Variants in SYNE2 observed in about 807,000 individuals in gnomAD.
The protein encoded by SYNE2 is nesprin-2.
In SYNE2, 431 loss-of-function variants were observed where a neutral mutation model predicts 856.3. The ratio of observed to expected loss-of-function variants is 0.50; its 90% confidence interval spans 0.47 to 0.55. SYNE2 has a LOEUF of 0.55. SYNE2 is among the 20% of genes least tolerant of loss of function. The pLI is 0.00. For missense variants in SYNE2, 8,129 were observed against 8,023.2 expected, an observed-to-expected ratio of 1.01 and a Z score of -0.50; for synonymous variants, 2,923 against 2,872.3, an observed-to-expected ratio of 1.02 and a Z score of -0.56.
At chr14:63,858,982 G>T (rs994129368) in intron 1 of SYNE2, among the ~76,000 whole-genome samples, 1 of 152,080 alleles carries the variant, frequency 6.6e-6, no homozygotes, top group East Asian at 1.9e-4. Flanking sequence ...TTAGGTTCAT[G>T]TACTTTAATT....
chr14:64,125,168 A>G lies in SYNE2; in HGVS notation c.13512A>G (p.Gln4504=). The G allele has an allele frequency of 6.2e-7, 1 of 1,614,212 alleles. No homozygotes were observed. The highest frequency in any genetic ancestry group is 1.3e-5 in the African/African-American group (1 of 75,056). ...TTEELKTYTT[Q]LEDLRQEASN... is the part of the protein sequence containing the mutation. ...AAGAACTGAAAACCTATACCACCCA[A>G]CTTGAAGACCTGCGCCAAGAAGCAA... The change falls in exon 71 of 116, where the codon CAA becomes CAG. Residue 4504 remains glutamine (Q), a synonymous_variant. Transcript: ENST00000555002.
At chr14:64,111,130 C>T (rs2097802831) in intron 65 of SYNE2, among the ~76,000 whole-genome samples, 1 of 149,142 alleles carries the variant, frequency 6.7e-6, no homozygotes, top group Non-Finnish European at 1.5e-5. Context: ...CTTTGAGAGG[C>T]CGAGGCAGGA....
Position 63,983,846 on chromosome 14 carries a change from T to C in SYNE2, c.2111T>C (p.Met704Thr), listed in dbSNP as rs530231584. 11 of 1,590,246 alleles carry C rather than the reference T, an allele frequency of 6.9e-6. No homozygotes were observed. The South Asian group carries it at 1.0e-4, about 15-fold the overall frequency. ...EKATVEFSTD[M>T]SVELPENYNQ... ...GCAACTGTTGAGTTTTCAACAGATA[T>C]GTCAGTAGAACTTCCTGAAAATTAT... The change falls in exon 18 of 116, where the codon ATG becomes ACG. Residue 704 changes from methionine to threonine, a missense_variant. Met to Thr is a moderately conservative substitution (Grantham distance 81). Transcript: ENST00000555002.
At chr14:63,964,767 AC>A (rs1421060197) in intron 10 of SYNE2, among the ~76,000 whole-genome samples, 1 of 151,682 alleles carries the variant, frequency 6.6e-6, no homozygotes. Flanking sequence ...CAGGTGATTC[AC>A]CTGCCTCGGC....
rs924170583 is a variant in SYNE2, at chr14:64,183,582, T to C, written c.17557-2842T>C. Among the ~76,000 whole-genome samples the C allele has an allele frequency of 8.5e-5, 13 of 152,086 alleles. No homozygotes were observed. In the East Asian group the frequency reaches 2.3e-3, roughly 27 times the overall value. The stretch of plus-strand genomic sequence containing the variant: ...AGGCAGGCGGCTGGGAGGTGGAGGT[T>C]GTAGCGAGCCGAGATCACGCCACTG... On this transcript the variant is annotated intron_variant, in intron 96 of 115. Coordinates refer to ENST00000555002, the MANE Select transcript of SYNE2 (RefSeq NM_182914.3).
chr14:63,967,742 GA>G lies in SYNE2; in HGVS notation c.1031del (p.Lys344SerfsTer9). On this transcript the variant is annotated frameshift_variant, in exon 11 of 116. Transcript: ENST00000555002. LOFTEE classifies it high-confidence loss of function. ...LLSFMESFNE[E>X]KKSFLDVLSI... is the part of the protein sequence containing the mutation. ...GTCCTTTATGGAGTCATTCAATGAA[GA>G]AAAAAAGTCCTTTTTGGATGTCCTG... 6.2e-7 allele frequency: 1 copy of G among 1,614,012 alleles called. No homozygotes were observed. Among genetic ancestry groups the G allele is most frequent in the Non-Finnish European group, 8.5e-7 (1 of 1,179,922 alleles).
intron 64 of SYNE2, among the ~76,000 whole-genome samples, chr14:64,102,759 G>A (rs1162963516): frequency 6.6e-6 from 1 of 151,894 alleles, no homozygotes; most frequent in Non-Finnish European, 1.5e-5. Flanking sequence ...TATTCCTGCT[G>A]TTCAACTGAA....
intron 70 of SYNE2, among the ~76,000 whole-genome samples, chr14:64,123,847 T>C (rs1302782466): frequency 1.3e-5 from 2 of 151,476 alleles, no homozygotes; most frequent in African/African-American, 4.9e-5. Flanking sequence ...TTGTTATTAC[T>C]AAACTGAAAG....
At chr14:64,059,688 G>C (rs1041594265) in intron 49 of SYNE2, among the ~76,000 whole-genome samples, 2 of 152,262 alleles carry the variant, frequency 1.3e-5, no homozygotes, top group African/African-American at 4.8e-5. Context: ...TATTGCCTAC[G>C]TTTGCTCAAG....
intron 1 of SYNE2, among the ~76,000 whole-genome samples, chr14:63,904,441 A>G (rs1167590215): frequency 1.1e-4 from 16 of 152,056 alleles, no homozygotes. Flanking sequence ...TCCCACTGAC[A>G]GTTTATAAGC....
intron 1 of SYNE2, among the ~76,000 whole-genome samples, chr14:63,845,697 T>C (rs1304172954): frequency 6.6e-6 from 1 of 151,682 alleles, no homozygotes; most frequent in African/African-American, 2.4e-5. Context: ...TAAGGGGTAA[T>C]CTGCTTTTCT....
intron 1 of SYNE2, among the ~76,000 whole-genome samples, chr14:63,890,930 A>G (rs946111182): frequency 9.9e-5 from 15 of 152,152 alleles, no homozygotes; most frequent in African/African-American, 3.4e-4. Context: ...CCGCTTATTC[A>G]TCTTTGCACC....
At chr14:63,779,687 G>A (rs964400616) in intron 1 of SYNE2, among the ~76,000 whole-genome samples, 6 of 151,858 alleles carry the variant, frequency 4.0e-5, no homozygotes, top group East Asian at 1.9e-4. Flanking sequence ...TAAGGTGAGC[G>A]GATTACTTGA....
chr14:64,057,552 C>G (rs555659374), intron 49 of SYNE2, among the ~76,000 whole-genome samples: 2 of 152,268 alleles, frequency 1.3e-5, no homozygotes, highest in South Asian at 4.1e-4. Context: ...GCTTCCAAAT[C>G]TTGACTATTG....
At chr14:63,788,984 A>G (rs1047282428) in intron 1 of SYNE2, among the ~76,000 whole-genome samples, 3 of 152,208 alleles carry the variant, frequency 2.0e-5, no homozygotes, top group Non-Finnish European at 4.4e-5. Context: ...AGATAAATAG[A>G]TAAAGAAAAT....
chr14:63,892,729 C>CTTTTTT (rs11293385), intron 1 of SYNE2, among the ~76,000 whole-genome samples: 7 of 130,248 alleles, frequency 5.4e-5, no homozygotes, highest in Non-Finnish European at 8.2e-5. Context: ...GGTGTACTTT[C>CTTTTTT]TTTTTTTTTT....
chr14:64,005,104 A>T (rs922618086), intron 30 of SYNE2, among the ~76,000 whole-genome samples: 12 of 152,182 alleles, frequency 7.9e-5, no homozygotes, highest in African/African-American at 2.4e-4. Context: ...TGCAGCAGTG[A>T]GGGGGAGATG....
chr14:63,994,733 C>T lies in SYNE2; in HGVS notation c.2782-311C>T, dbSNP rs572687331. Among the ~76,000 whole-genome samples the T allele has an allele frequency of 3.2e-4, 49 of 152,292 alleles. No homozygotes were observed. In the South Asian group the frequency reaches 9.3e-3, roughly 29 times the overall value. On this transcript the variant is annotated intron_variant, in intron 22 of 115. Transcript: ENST00000555002. ...AGAATCTTATCCAGGATATACATTA[C>T]ATTTACTTATGTCTCCTTGGGCTCA...
chr14:63,797,111 A>G (rs1413321755), intron 1 of SYNE2, among the ~76,000 whole-genome samples: 2 of 148,040 alleles, frequency 1.4e-5, no homozygotes, highest in African/African-American at 2.5e-5. Context: ...AAAAGAAAAG[A>G]AAAAGGAAAA....
Sources: gnomAD v4.1 joint callset for allele counts (sites outside exome capture counted in the v4.1 genomes callset) on GRCh38, gnomAD v4.1.1 for gene constraint, MANE v1.5 for transcripts, NCBI Gene and HGNC (gene_info 2026-07-23, HGNC 2026-07-21) for gene names.